SLCO5A1: variants seen among roughly 807,000 people sequenced by gnomAD.
The protein encoded by SLCO5A1 is organic anion transporter polypeptide-related protein 4.
In SLCO5A1, 39 loss-of-function variants were observed where a neutral mutation model predicts 65.1. The observed-to-expected ratio is 0.60, with a 90% CI of 0.46 to 0.78. SLCO5A1 has a LOEUF of 0.78. Ranked by LOEUF, SLCO5A1 falls within the 30% of genes least tolerant of loss-of-function variation. The pLI, the probability that SLCO5A1 is intolerant of heterozygous loss-of-function variation, is 0.00. For synonymous variants in SLCO5A1, 438 were observed against 415.7 expected, an observed-to-expected ratio of 1.05 and a Z score of -0.65; for missense variants, 1,029 against 1,069.4, an observed-to-expected ratio of 0.96 and a Z score of 0.53.
At chr8:69,786,813 G>A (rs947632856) in intron 2 of SLCO5A1, among the ~76,000 whole-genome samples, 4 of 152,156 alleles carry the variant, frequency 2.6e-5, no homozygotes, top group Admixed American at 6.5e-5. Context: ...TTTGGAGAAA[G>A]CTCTAAATTA....
chr8:69,819,895 G>A (rs778383729), intron 2 of SLCO5A1, among the ~76,000 whole-genome samples: 2 of 152,174 alleles, frequency 1.3e-5, no homozygotes, highest in Non-Finnish European at 2.9e-5. Flanking sequence ...CCCGGGAGGT[G>A]GAGGTTGCAG....
At position 69,738,982 on chromosome 8, in the gene SLCO5A1, G is replaced by A. The variant is rs551181112; in HGVS notation, c.1259-778C>T. The stretch of plus-strand genomic sequence containing the variant: ...ATAATACCAAAAATGTAGGAGGGGG[G>A]AATCTACATTTCCATCAGTGGGAAA... On this transcript the variant is annotated intron_variant, in intron 4 of 9. Coordinates refer to ENST00000260126, the MANE Select transcript of SLCO5A1 (RefSeq NM_030958.3). 9.9e-5 allele frequency among the ~76,000 whole-genome samples: 15 copies of A among 152,232 alleles called. No individual in the cohort carries two copies. The East Asian group carries it at 1.7e-3, about 18-fold the overall frequency.
At chr8:69,813,620 C>T (rs542979809) in intron 2 of SLCO5A1, among the ~76,000 whole-genome samples, 12 of 152,300 alleles carry the variant, frequency 7.9e-5, no homozygotes, top group South Asian at 4.1e-4. Context: ...CCTACGACAT[C>T]TCTCAAGCCG....
intron 2 of SLCO5A1, among the ~76,000 whole-genome samples, chr8:69,777,415 G>T (rs1001394660): frequency 6.6e-6 from 1 of 150,744 alleles, no homozygotes; most frequent in African/African-American, 2.4e-5. Context: ...GCGGAAGGAG[G>T]GATTCAAAAG....
chr8:69,798,323 T>C (rs1210069068), intron 2 of SLCO5A1, among the ~76,000 whole-genome samples: 3 of 152,130 alleles, frequency 2.0e-5, no homozygotes, highest in Non-Finnish European at 4.4e-5. Flanking sequence ...TCTAAAGAAA[T>C]ACCTGAGACT....
chr8:69,742,482 C>A (rs1255964468), intron 4 of SLCO5A1, among the ~76,000 whole-genome samples: 1 of 151,970 alleles, frequency 6.6e-6, no homozygotes, highest in African/African-American at 2.4e-5. Flanking sequence ...CCAGGAGATG[C>A]CTTAAACAGT....
chr8:69,750,561 C>T (rs574640429), intron 4 of SLCO5A1, among the ~76,000 whole-genome samples: 1 of 152,028 alleles, frequency 6.6e-6, no homozygotes, highest in East Asian at 1.9e-4. Flanking sequence ...CCACAAAACG[C>T]TTGTTCAGCA....
chr8:69,815,409 T>C lies in SLCO5A1; in HGVS notation c.907+16358A>G, dbSNP rs560435757. 1.4e-3 allele frequency among the ~76,000 whole-genome samples: 215 copies of C among 152,256 alleles called. 1 individual carries two copies. The highest frequency in any genetic ancestry group is 4.7e-3 in the African/African-American group (197 of 41,556). Reference sequence around the variant, plus strand: ...TCCACCTATGAAACCATATCACAGTTGTTGGGTTTTTTTGTCCATTTGTTT... The same window carrying C: ...TCCACCTATGAAACCATATCACAGTCGTTGGGTTTTTTTGTCCATTTGTTT... On this transcript the variant is annotated intron_variant, in intron 2 of 9. Transcript: ENST00000260126.
At chr8:69,716,121 G>T (rs1435110478) in intron 5 of SLCO5A1, among the ~76,000 whole-genome samples, 1 of 152,086 alleles carries the variant, frequency 6.6e-6, no homozygotes, top group Admixed American at 6.6e-5. Flanking sequence ...TGTTTTCAAG[G>T]TTCCTCTGTG....
intron 3 of SLCO5A1, among the ~76,000 whole-genome samples, chr8:69,757,449 T>A (rs1284910130): frequency 6.6e-6 from 1 of 151,080 alleles, no homozygotes; most frequent in African/African-American, 2.4e-5. Context: ...AGCACCGAGA[T>A]GGGTGGATCA....
At chr8:69,722,910 A>T (rs1443850702) in intron 5 of SLCO5A1, among the ~76,000 whole-genome samples, 1 of 152,170 alleles carries the variant, frequency 6.6e-6, no homozygotes, top group Non-Finnish European at 1.5e-5. Flanking sequence ...GAGATGAGGC[A>T]GTGACTGACT....
chr8:69,780,990 T>TC (rs1818769218), intron 2 of SLCO5A1, among the ~76,000 whole-genome samples: 1 of 152,232 alleles, frequency 6.6e-6, no homozygotes, highest in Admixed American at 6.5e-5. Context: ...CTAATAGGCT[T>TC]CCATAAGGAT....
rs1418017205 is a variant in SLCO5A1, at chr8:69,793,904, A to T, written c.908-32029T>A. Among the ~76,000 whole-genome samples, 9 of 152,240 alleles carry T rather than the reference A, an allele frequency of 5.9e-5. No homozygotes were observed. In the East Asian group the frequency reaches 1.7e-3, roughly 29 times the overall value. On this transcript the variant is annotated intron_variant, in intron 2 of 9. Transcript: ENST00000260126. Reference sequence around the variant, plus strand: ...ATTGACTGCCTATTACATTCCAAGCATTAGTCTAAGGTCTTGACATATCTT... The same window carrying T: ...ATTGACTGCCTATTACATTCCAAGCTTTAGTCTAAGGTCTTGACATATCTT...
Position 69,832,105 on chromosome 8 carries a change from C to A in SLCO5A1, c.569G>T (p.Gly190Val), listed in dbSNP as rs200500076. 1 of 1,614,124 alleles carries A rather than the reference C, an allele frequency of 6.2e-7. No individual in the cohort carries two copies. The highest frequency in any genetic ancestry group is 8.5e-7 in the Non-Finnish European group (1 of 1,180,042). Residue 190 changes from glycine to valine, a missense_variant, in exon 2 of 10, where the codon GGC becomes GTC. Coordinates refer to ENST00000260126, the MANE Select transcript of SLCO5A1 (RefSeq NM_030958.3). The surrounding 1 kb of genome is among the most constrained non-coding windows in gnomAD (Gnocchi z 4.5). ...VVVVFVSYFG[G>V]RGRRPLWLAV... ...CAGCCACAGGGGCCGCCGACCCCGG[C>A]CGCCGAAGTAGCTGACGAACACCAC...
intron 2 of SLCO5A1, among the ~76,000 whole-genome samples, chr8:69,802,827 C>T (rs912517750): frequency 6.6e-6 from 1 of 152,202 alleles, no homozygotes; most frequent in Non-Finnish European, 1.5e-5. Context: ...CTTCATAGCC[C>T]TTATACCAGA....
chr8:69,821,883 T>G (rs577981765), intron 2 of SLCO5A1, among the ~76,000 whole-genome samples: 35 of 151,958 alleles, frequency 2.3e-4, no homozygotes, highest in Non-Finnish European at 4.6e-4. Flanking sequence ...TCCCATCATT[T>G]TGGGAGGCCA....
intron 2 of SLCO5A1, among the ~76,000 whole-genome samples, chr8:69,763,242 G>A (rs553315383): frequency 1.3e-5 from 2 of 152,118 alleles, no homozygotes; most frequent in African/African-American, 4.8e-5. Flanking sequence ...CTGGGAGATG[G>A]AGGTTGCAGA....
intron 5 of SLCO5A1, among the ~76,000 whole-genome samples, chr8:69,721,235 G>A (rs141083237): frequency 1.3e-5 from 2 of 152,350 alleles, no homozygotes; most frequent in East Asian, 3.9e-4. Context: ...GAAATTGGAA[G>A]CACTGTGGGT....
At chr8:69,824,928 C>T (rs891994760) in intron 2 of SLCO5A1, among the ~76,000 whole-genome samples, 123 of 152,206 alleles carry the variant, frequency 8.1e-4, no homozygotes, top group African/African-American at 2.8e-3. Flanking sequence ...GCTTATCCAC[C>T]GTGATCAAGT....
Sources: gnomAD v4.1 joint callset for allele counts (sites outside exome capture counted in the v4.1 genomes callset) on GRCh38, gnomAD v4.1.1 for gene constraint, Gnocchi (gnomAD v3.1) non-coding constraint, MANE v1.5 for transcripts, NCBI Gene and HGNC (gene_info 2026-07-23, HGNC 2026-07-21) for gene names.